Variants in ZNF875 observed in about 807,000 individuals in gnomAD.
ZNF875 encodes the protein zinc finger protein 875.
A neutral mutation model predicts 11.2 loss-of-function variants in ZNF875; 14 were observed. That is an observed-to-expected ratio of 1.26 (90% CI 0.83 to 1.96). The LOEUF is 1.96. ZNF875 is among the 30% of genes most tolerant of loss of function. The pLI is 0.00. For missense variants in ZNF875, 752 were observed against 760.4 expected, an observed-to-expected ratio of 0.99 and a Z score of 0.13; for synonymous variants, 301 against 281.1, an observed-to-expected ratio of 1.07 and a Z score of -0.71.
Position 37,329,455 on chromosome 19 carries a change from A to G in ZNF875, c.-603+5190A>G, listed in dbSNP as rs1034275630. Among the ~76,000 whole-genome samples the G allele has an allele frequency of 3.9e-5, 6 of 152,194 alleles. No homozygotes were observed. The South Asian group carries it at 8.3e-4, about 21-fold the overall frequency. On this transcript the variant is annotated intron_variant, in intron 4 of 5. Transcript: ENST00000544914. Reference sequence around the variant, plus strand: ...CTAAATGGAGAGACTGACTCTCTCCATAAGTATTTGATTTTTACTTTATCT... The same window carrying G: ...CTAAATGGAGAGACTGACTCTCTCCGTAAGTATTTGATTTTTACTTTATCT...
chr19:37,340,610 T>G (rs989964511), intron 2 of ZNF875, among the ~76,000 whole-genome samples: 3 of 151,970 alleles, frequency 2.0e-5, no homozygotes, highest in African/African-American at 7.3e-5. Context: ...GAAAGTGTGT[T>G]TATTGTTACC....
chr19:37,315,351 G>A (rs764481260), upstream of ZNF875: 5 of 152,212 alleles, frequency 3.3e-5, no homozygotes, highest in Non-Finnish European at 7.3e-5. Flanking sequence ...TCACCAGTTT[G>A]TAATGTGGGG....
At chr19:37,347,646 T>C (rs1003420178) in intron 3 of ZNF875, 131 bp from the exon 4 acceptor site, 4 of 649,246 alleles carry the variant, frequency 6.2e-6, no homozygotes, top group Non-Finnish European at 1.1e-5. Context: ...TCAACCCTTC[T>C]ACTTCAGAGA....
At chr19:37,327,483 CA>C (rs1411533568) in intron 4 of ZNF875, among the ~76,000 whole-genome samples, 1 of 151,826 alleles carries the variant, frequency 6.6e-6, no homozygotes, top group African/African-American at 2.4e-5. Context: ...ATTTCATATT[CA>C]GGGGCAGGCA....
In ZNF875 at chr19:37,363,654, C is replaced by CA; in HGVS notation, c.1803dup (p.His602ThrfsTer4). On this transcript the variant is annotated frameshift_variant, in exon 5 of 5. Transcript: ENST00000392153. LOFTEE classifies it low-confidence loss of function (END_TRUNC). ...TGTGGGCAAGGCTTTAGCCGGCAGT[C>CA]ACACCTCATTAGACACCAGAGGACA... 6.2e-7 allele frequency: 1 copy of CA among 1,613,660 alleles called. No individual in the cohort carries two copies. The highest frequency in any genetic ancestry group is 1.7e-4 in the Middle Eastern group (1 of 6,058).
chr19:37,335,027 C>A, intron 1 of ZNF875, 142 bp from the exon 2 acceptor site: 1 of 564,532 alleles, frequency 1.8e-6, no homozygotes, highest in Non-Finnish European at 3.2e-6. Context: ...CATCCTGGCC[C>A]CCCACTGGAT....
upstream of ZNF875, chr19:37,316,908 C>A (rs1733599078): frequency 6.6e-6 from 1 of 151,548 alleles, no homozygotes; most frequent in Non-Finnish European, 1.5e-5. Context: ...CTCAAGTAAT[C>A]CGCCCGCCTC....
chr19:37,353,286 A>C (rs2038272565), intron 4 of ZNF875, among the ~76,000 whole-genome samples: 1 of 152,202 alleles, frequency 6.6e-6, no homozygotes, highest in Non-Finnish European at 1.5e-5. Context: ...TAAACCAATT[A>C]GAGTTATTAT....
intron 2 of ZNF875, chr19:37,344,933 G>T: frequency 1.6e-6 from 1 of 630,184 alleles, no homozygotes; most frequent in South Asian, 1.7e-5. Context: ...TTTCTCTCCA[G>T]TGTTTAATGA....
intron 2 of ZNF875, among the ~76,000 whole-genome samples, chr19:37,323,240 G>C (rs1409952108): frequency 6.6e-6 from 1 of 151,610 alleles, no homozygotes; most frequent in Non-Finnish European, 1.5e-5. Flanking sequence ...TGCAACCTCC[G>C]TCTCCTGGGT....
chr19:37,327,363 T>G (rs2032649660), intron 4 of ZNF875, among the ~76,000 whole-genome samples: 1 of 152,222 alleles, frequency 6.6e-6, no homozygotes, highest in African/African-American at 2.4e-5. Context: ...GACAGGTCTA[T>G]ATGTTTTAGG....
At chr19:37,358,155 T>G (rs1472307117) in intron 4 of ZNF875, 38 of 358,038 alleles carry the variant, frequency 1.1e-4, no homozygotes, top group East Asian at 2.0e-4. Context: ...TTTTTTTTTT[T>G]TTTGTTTGAG....
rs2040069223 is a variant in ZNF875, at chr19:37,362,283, A to T, written c.431A>T (p.Asp144Val). Residue 144 changes from aspartate to valine, a missense_variant, in exon 5 of 5, where the codon GAT (aspartate) becomes GTT (valine). Transcript: ENST00000392153. ...HYPEDQKQQQ[D>V]PFCFSGKAEW... ...CCAGAAGATCAGAAACAACAGCAGG[A>T]TCCATTCTGCTTTAGTGGCAAAGCA... is the stretch of plus-strand genomic sequence containing the variant. 1.2e-6 allele frequency: 2 copies of T among 1,614,190 alleles called. No individual in the cohort carries two copies. Among genetic ancestry groups the T allele is most frequent in the Admixed American group, 3.3e-5 (2 of 60,030 alleles).
rs377692121 is a variant in ZNF875 at position 37,347,146 on chromosome 19, A to G, written c.34-44A>G. On this transcript the variant is annotated intron_variant, in intron 2 of 4. Coordinates refer to ENST00000392153, the MANE Select transcript of ZNF875 (RefSeq NM_001353803.2). ...CCTCTCATTCTAAAGTGTGGGAGGG[A>G]AAGACAGGCTCCTGGGTGAGCAGAG... 3.7e-6 allele frequency: 6 copies of G among 1,612,554 alleles called. No individual in the cohort carries two copies. In the African/African-American group the frequency reaches 8.0e-5, roughly 22 times the overall value.
At chr19:37,357,940 C>CT (rs748225443) in intron 4 of ZNF875, 2 of 398,214 alleles carry the variant, frequency 5.0e-6, no homozygotes, top group South Asian at 1.3e-4. Context: ...AGCAGACATC[C>CT]TTTTCTTGTT....
chr19:37,364,087 T>C lies in ZNF875; in HGVS notation c.*312T>C. ...GCCCAGGCAGATAGGGGTGGGTACCTGGTGAAACCCAACCTTAAAGCTGAA... is the reference window on the plus strand; with the variant it reads ...GCCCAGGCAGATAGGGGTGGGTACCCGGTGAAACCCAACCTTAAAGCTGAA... On this transcript the variant is annotated 3_prime_UTR_variant, in exon 5 of 5. Transcript: ENST00000392153. The C allele has an allele frequency of 3.0e-6, 1 of 329,610 alleles. No individual in the cohort carries two copies. Among genetic ancestry groups the C allele is most frequent in the Non-Finnish European group, 5.6e-6 (1 of 178,840 alleles). 20.4% of individuals were successfully genotyped at this position (329,610 alleles called of 1,614,324 possible).
chr19:37,355,808 G>A (rs1157057935), intron 4 of ZNF875, among the ~76,000 whole-genome samples: 2 of 152,130 alleles, frequency 1.3e-5, no homozygotes, highest in Non-Finnish European at 2.9e-5. Context: ...GATTCAGAGT[G>A]TACATGTGCA....
chr19:37,361,173 C>T (rs1331101520), intron 4 of ZNF875, among the ~76,000 whole-genome samples: 6 of 146,280 alleles, frequency 4.1e-5, no homozygotes, highest in African/African-American at 1.0e-4. Flanking sequence ...TGTGGTGGCA[C>T]GATCTCAGCT....
chr19:37,330,200 A>G (rs2033161640), upstream of ZNF875, among the ~76,000 whole-genome samples: 1 of 152,150 alleles, frequency 6.6e-6, no homozygotes, highest in Admixed American at 6.5e-5. Context: ...ATTTTTCCAT[A>G]CAGTGTGGAA....
Sources: gnomAD v4.1 joint callset for allele counts (sites outside exome capture counted in the v4.1 genomes callset) on GRCh38, gnomAD v4.1.1 for gene constraint, MANE v1.5 for transcripts, NCBI Gene and HGNC (gene_info 2026-07-23, HGNC 2026-07-21) for gene names.